The following TMEM45B variants were observed in gnomAD, a reference collection of about 807,000 sequenced individuals.
TMEM45B encodes the protein transmembrane protein 45B.
TMEM45B carries 29 observed loss-of-function variants against 27.3 expected under a neutral mutation model. The observed-to-expected ratio is 1.06, with a 90% CI of 0.79 to 1.45. The LOEUF (loss-of-function observed/expected upper bound fraction) is 1.45. Among genes scored for constraint, TMEM45B ranks in the 40% most tolerant of loss-of-function variants. The pLI is 0.00. For missense variants in TMEM45B, 348 were observed against 343.9 expected, an observed-to-expected ratio of 1.01 and a Z score of -0.09; for synonymous variants, 143 against 134.7, an observed-to-expected ratio of 1.06 and a Z score of -0.43.
intron 2 of TMEM45B, among the ~76,000 whole-genome samples, chr11:129,854,205 T>C (rs1947888498): frequency 6.6e-6 from 1 of 152,204 alleles, no homozygotes; most frequent in Admixed American, 6.5e-5. Context: ...TTCAGCCTAA[T>C]TGTTTCTGTC....
chr11:129,834,010 G>T (rs955415991), intron 1 of TMEM45B, among the ~76,000 whole-genome samples: 6 of 152,206 alleles, frequency 3.9e-5, no homozygotes, highest in Non-Finnish European at 8.8e-5. Context: ...GTACAGATTT[G>T]GGTACCAAGA....
In TMEM45B at chr11:129,859,512, T is replaced by C. The variant is rs1947979381; in HGVS notation, c.*827T>C. ...GTAATGTAAAATCTTGATACCCTAATCTTGCTTCTGGATCTGTTCTTTTTT... is the reference window on the plus strand; with the variant it reads ...GTAATGTAAAATCTTGATACCCTAACCTTGCTTCTGGATCTGTTCTTTTTT... On this transcript the variant is annotated 3_prime_UTR_variant, in exon 6 of 6. Coordinates refer to ENST00000281441, the MANE Select transcript of TMEM45B (RefSeq NM_138788.5). The C allele has an allele frequency of 6.6e-6, 1 of 152,126 alleles. No individual in the cohort carries two copies. The highest frequency in any genetic ancestry group is 1.5e-5 in the Non-Finnish European group (1 of 68,032). 9.4% of individuals were successfully genotyped at this position (152,126 alleles called of 1,614,324 possible). A position where few individuals can be genotyped will look rare whatever the true frequency, so the allele number is the denominator to read the frequency against.
At chr11:129,855,937 C>G in intron 4 of TMEM45B, 45 bp downstream of exon 4, 1 of 1,601,426 alleles carries the variant, frequency 6.2e-7, no homozygotes, top group Non-Finnish European at 8.5e-7. Flanking sequence ...GATGGAGAAG[C>G]CCCCACCGAG....
At chr11:129,817,400 TC>T (rs1204284662) in intron 1 of TMEM45B, among the ~76,000 whole-genome samples, 1 of 152,180 alleles carries the variant, frequency 6.6e-6, no homozygotes, top group Non-Finnish European at 1.5e-5. Context: ...CTCCCTCTGT[TC>T]CTGGGGTTTC....
At chr11:129,828,755 C>T (rs1947515629) in intron 1 of TMEM45B, among the ~76,000 whole-genome samples, 1 of 152,168 alleles carries the variant, frequency 6.6e-6, no homozygotes, top group Admixed American at 6.5e-5. Flanking sequence ...TCTATGATCA[C>T]CCTATAACCT....
At chr11:129,825,003 G>T (rs965904852) in intron 1 of TMEM45B, among the ~76,000 whole-genome samples, 3 of 152,166 alleles carry the variant, frequency 2.0e-5, no homozygotes, top group African/African-American at 7.2e-5. Context: ...CCACATTCAG[G>T]TATACCCAAT....
intron 4 of TMEM45B, among the ~76,000 whole-genome samples, chr11:129,856,191 T>C (rs1947921897): frequency 6.6e-6 from 1 of 152,144 alleles, no homozygotes; most frequent in East Asian, 1.9e-4. Context: ...AACTGTCCAC[T>C]GGAAACGTGG....
In TMEM45B at chr11:129,826,567, A is replaced by AAAAAAAAAAAAT. The variant is rs1199881268; in HGVS notation, c.-9+10670_-9+10671insAAAAAAAAAATA. 7.3e-5 allele frequency among the ~76,000 whole-genome samples: 7 copies of AAAAAAAAAAAAT among 96,124 alleles called. 1 individual carries two copies. Among genetic ancestry groups the AAAAAAAAAAAAT allele is most frequent in the African/African-American group, 1.5e-4 (4 of 26,268 alleles). The allele number at this position is 96,124 out of a possible 152,430, so 63.1% of individuals were successfully genotyped here. The stretch of plus-strand genomic sequence containing the variant: ...CTGTCACAAAAAAAAAAAAAAAAAA[A>AAAAAAAAAAAAT]AGGACCCTGAGAGGCTATGTGTCTT... On this transcript the variant is annotated intron_variant, in intron 1 of 5. Coordinates refer to ENST00000281441, the MANE Select transcript of TMEM45B (RefSeq NM_138788.5).
chr11:129,858,144 AC>A (rs2135617627), intron 5 of TMEM45B, among the ~76,000 whole-genome samples: 1 of 152,336 alleles, frequency 6.6e-6, no homozygotes, highest in South Asian at 2.1e-4. Flanking sequence ...AAATGGTATT[AC>A]CAGTTCTATT....
chr11:129,845,812 A>ATAAGTCT, intron 1 of TMEM45B, among the ~76,000 whole-genome samples: 1 of 152,350 alleles, frequency 6.6e-6, no homozygotes, highest in East Asian at 1.9e-4. Context: ...TAATGGAAAT[A>ATAAGTCT]AGCCAAGAAA....
rs182633359 is a variant in TMEM45B, at chr11:129,852,810, C to T, written c.178+150C>T. On this transcript the variant is annotated intron_variant, in intron 2 of 5. Transcript: ENST00000281441. Reference sequence around the variant, plus strand: ...TGGCCACTAGACTATTTTATCGTAACATCCATTGTGTACAGAGCTTTATAA... The same window carrying T: ...TGGCCACTAGACTATTTTATCGTAATATCCATTGTGTACAGAGCTTTATAA... The T allele has an allele frequency of 5.2e-3, 3,984 of 769,714 alleles. 18 individuals carry two copies. The highest frequency in any genetic ancestry group is 0.012 in the South Asian group (594 of 48,446). The allele number at this position is 769,714 out of a possible 1,614,324, so 47.7% of individuals were successfully genotyped here.
chr11:129,844,227 T>G (rs1378936694), intron 1 of TMEM45B, among the ~76,000 whole-genome samples: 1 of 152,178 alleles, frequency 6.6e-6, no homozygotes, highest in Non-Finnish European at 1.5e-5. Context: ...ATCTCACTTA[T>G]ATGTGGAATC....
chr11:129,841,595 T>TTG (rs1482824324), intron 1 of TMEM45B, among the ~76,000 whole-genome samples: 1 of 146,042 alleles, frequency 6.8e-6, no homozygotes, highest in African/African-American at 2.5e-5. Flanking sequence ...TTTTTTTGTT[T>TTG]TTTTTTTTTT....
At chr11:129,845,337 ATGTGTG>A (rs10628378) in intron 1 of TMEM45B, among the ~76,000 whole-genome samples, 122 of 121,526 alleles carry the variant, frequency 1.0e-3, no homozygotes, top group Admixed American at 2.3e-3. Context: ...GCTATTATAG[ATGTGTG>A]TGTGTGTGTG....
Position 129,819,701 on chromosome 11 carries a change from G to A in TMEM45B, c.-9+3803G>A, listed in dbSNP as rs555286566. 4.6e-5 allele frequency among the ~76,000 whole-genome samples: 7 copies of A among 151,194 alleles called. No homozygotes were observed. In the South Asian group the frequency reaches 1.0e-3, roughly 22 times the overall value. On this transcript the variant is annotated intron_variant, in intron 1 of 5. Coordinates refer to ENST00000281441, the MANE Select transcript of TMEM45B (RefSeq NM_138788.5). The stretch of plus-strand genomic sequence containing the variant: ...CCTCCAAGTAGCTGGGATTACAGAC[G>A]TGCACCACCACGCCCAGCTAATTTT...
intron 1 of TMEM45B, among the ~76,000 whole-genome samples, chr11:129,838,073 C>T (rs901891237): frequency 1.3e-5 from 2 of 152,064 alleles, no homozygotes; most frequent in South Asian, 2.1e-4. Flanking sequence ...TGAGCCACCG[C>T]GTGCAGCCCC....
chr11:129,836,497 G>T (rs890645482), intron 1 of TMEM45B, among the ~76,000 whole-genome samples: 51 of 152,286 alleles, frequency 3.3e-4, no homozygotes, highest in African/African-American at 1.1e-3. Flanking sequence ...GGCTGAGTGT[G>T]CTCTCTCCAA....
At chr11:129,850,486 G>A (rs867680107) in intron 1 of TMEM45B, 3 of 152,172 alleles carry the variant, frequency 2.0e-5, no homozygotes, top group African/African-American at 7.2e-5. Context: ...TCTATAAGCA[G>A]TTAAGAGAAG....
chr11:129,819,554 T>TTTCTC (rs752625290), intron 1 of TMEM45B, among the ~76,000 whole-genome samples: 10 of 151,962 alleles, frequency 6.6e-5, no homozygotes, highest in Non-Finnish European at 1.2e-4. Context: ...CTTCTTTTCT[T>TTTCTC]TTCTCTCTCT....
Sources: gnomAD v4.1 joint callset for allele counts (sites outside exome capture counted in the v4.1 genomes callset) on GRCh38, gnomAD v4.1.1 for gene constraint, MANE v1.5 for transcripts, NCBI Gene and HGNC (gene_info 2026-07-23, HGNC 2026-07-21) for gene names.